Variants in GLDC observed in about 807,000 individuals in gnomAD.
GLDC encodes the protein glycine dehydrogenase (decarboxylating), mitochondrial.
GLDC carries 104 observed loss-of-function variants against 121.3 expected under a neutral mutation model. That is an observed-to-expected ratio of 0.86 (90% CI 0.73 to 1.01). GLDC has a LOEUF of 1.01. Among genes scored for constraint, GLDC ranks in the 50% least tolerant of loss-of-function variants. The pLI is 0.00. For missense variants in GLDC, 1,429 were observed against 1,306.6 expected, an observed-to-expected ratio of 1.09 and a Z score of -1.44; for synonymous variants, 546 against 480.6, an observed-to-expected ratio of 1.14 and a Z score of -1.78.
intron 2 of GLDC, chr9:6,639,247 A>G (rs1171811653): frequency 4.3e-6 from 4 of 921,420 alleles, no homozygotes; most frequent in East Asian, 2.4e-5. Flanking sequence ...CACAGCCACA[A>G]AAAAAAAGAA....
intron 15 of GLDC, chr9:6,566,667 C>T (rs1456433831): frequency 6.6e-6 from 1 of 152,048 alleles, no homozygotes; most frequent in Non-Finnish European, 1.5e-5. Flanking sequence ...TTCCCAGTAC[C>T]CTGTGCAGGA....
chr9:6,574,486 A>AC (rs1171938943), intron 15 of GLDC, among the ~76,000 whole-genome samples: 3 of 151,828 alleles, frequency 2.0e-5, no homozygotes, highest in Non-Finnish European at 4.4e-5. Context: ...AACAAAGAAA[A>AC]GAAAAAAAAA....
intron 2 of GLDC, among the ~76,000 whole-genome samples, chr9:6,637,856 T>A (rs975780095): frequency 6.6e-6 from 1 of 151,458 alleles, no homozygotes; most frequent in South Asian, 2.1e-4. Context: ...CATTAAAAAT[T>A]TTTTTTTACT....
Position 6,645,251 on chromosome 9 carries a change from C to G in GLDC, c.249G>C (p.Gly83=), listed in dbSNP as rs12341698. The G allele has an allele frequency of 6.3e-7, 1 of 1,594,838 alleles. No homozygotes were observed. Among genetic ancestry groups the G allele is most frequent in the Non-Finnish European group, 8.5e-7 (1 of 1,170,682 alleles). ...GCCGGGTGGAGGTCCTTACCGCCAGCCCCAAGGTCTGCAGCATCTCTCTCT... is the reference window on the plus strand; with the variant it reads ...GCCGGGTGGAGGTCCTTACCGCCAGGCCCAAGGTCTGCAGCATCTCTCTCT... ...KDQREMLQTL[G]LASIDELIEK... is the part of the protein sequence containing the mutation. The change falls in exon 1 of 25, where the codon GGG becomes GGC. Residue 83 remains glycine, a synonymous_variant. Coordinates refer to ENST00000321612, the MANE Select transcript of GLDC (RefSeq NM_000170.3).
At chr9:6,639,251 A>G in intron 2 of GLDC, 1 of 921,536 alleles carries the variant, frequency 1.1e-6, no homozygotes, top group Non-Finnish European at 1.8e-6. Flanking sequence ...GCCACAAAAA[A>G]AAAGAAGATC....
At chr9:6,638,658 C>T (rs1466066590) in intron 2 of GLDC, among the ~76,000 whole-genome samples, 1 of 151,754 alleles carries the variant, frequency 6.6e-6, no homozygotes, top group Non-Finnish European at 1.5e-5. Flanking sequence ...TCTGTCTGAT[C>T]TATTTATATT....
intron 24 of GLDC, among the ~76,000 whole-genome samples, chr9:6,533,858 CA>C (rs140518818): frequency 1.8e-3 from 230 of 125,092 alleles, no homozygotes; most frequent in Middle Eastern, 4.6e-3. Flanking sequence ...AACTCTATCT[CA>C]AAAAAAAAAA....
intron 18 of GLDC, among the ~76,000 whole-genome samples, chr9:6,555,486 A>T (rs1311589325): frequency 6.6e-6 from 1 of 151,178 alleles, no homozygotes; most frequent in Non-Finnish European, 1.5e-5. Flanking sequence ...AAAAAAAAAG[A>T]GGTCGGGCGT....
intron 2 of GLDC, among the ~76,000 whole-genome samples, chr9:6,624,902 C>T (rs1233654506): frequency 2.0e-5 from 3 of 151,824 alleles, no homozygotes; most frequent in Non-Finnish European, 2.9e-5. Context: ...ACAGGAGAAT[C>T]GCTTGAACCA....
intron 2 of GLDC, chr9:6,639,681 A>ATATATATATATATG: frequency 4.0e-6 from 1 of 252,240 alleles, no homozygotes; most frequent in Non-Finnish European, 7.0e-6. Flanking sequence ...ATATATATAT[A>ATATATATATATATG]TATATATGGA....
At chr9:6,562,094 T>G (rs1397102864) in intron 16 of GLDC, among the ~76,000 whole-genome samples, 1 of 152,250 alleles carries the variant, frequency 6.6e-6, no homozygotes, top group Non-Finnish European at 1.5e-5. Context: ...TATTTTTTCG[T>G]AAGATCTGGA....
chr9:6,539,117 T>C (rs1282913781), intron 22 of GLDC, among the ~76,000 whole-genome samples: 2 of 152,176 alleles, frequency 1.3e-5, no homozygotes, highest in South Asian at 4.1e-4. Context: ...ATGGCAATGT[T>C]CTCCCCAACT....
At chr9:6,563,952 G>GA (rs373805618) in intron 16 of GLDC, among the ~76,000 whole-genome samples, 38 of 146,772 alleles carry the variant, frequency 2.6e-4, no homozygotes, top group African/African-American at 6.7e-4. Context: ...GCTATGAAGA[G>GA]AAAAAAAAAA....
At chr9:6,619,174 A>AAAG (rs1563864235) in intron 3 of GLDC, among the ~76,000 whole-genome samples, 6 of 141,612 alleles carry the variant, frequency 4.2e-5, no homozygotes, top group East Asian at 4.4e-4. Flanking sequence ...AAAAAAAAAA[A>AAAG]AAGAAGAAGT....
chr9:6,639,669 G>GTA (rs150365649), intron 2 of GLDC: 2,739 of 223,974 alleles, frequency 0.012, 12 homozygotes, highest in Middle Eastern at 0.03. Context: ...TAAAAAAAAA[G>GTA]TATATATATA....
intron 14 of GLDC, 51 bp downstream of exon 14, chr9:6,588,350 C>T (rs368758626): frequency 7.1e-5 from 92 of 1,300,838 alleles, no homozygotes; most frequent in South Asian, 3.8e-4. Flanking sequence ...TAGGTGGAAG[C>T]TAGAACACTG....
intron 13 of GLDC, 87 bp from the exon 14 acceptor site, chr9:6,588,529 C>G: frequency 1.4e-6 from 2 of 1,439,106 alleles, no homozygotes; most frequent in Non-Finnish European, 2.0e-6. Context: ...ATGGCCACCC[C>G]TTTGTTGCTC....
intron 16 of GLDC, among the ~76,000 whole-genome samples, chr9:6,565,095 T>A (rs1395498918): frequency 6.6e-6 from 1 of 152,228 alleles, no homozygotes; most frequent in African/African-American, 2.4e-5. Flanking sequence ...TAGAGAGCAG[T>A]TCCACAGCCA....
chr9:6,612,631 G>C (rs1304390072), intron 3 of GLDC, among the ~76,000 whole-genome samples: 1 of 152,070 alleles, frequency 6.6e-6, no homozygotes, highest in Admixed American at 6.6e-5. Context: ...TTGGGAGGCT[G>C]AGGAGGCGGA....
Sources: gnomAD v4.1 joint callset for allele counts (sites outside exome capture counted in the v4.1 genomes callset) on GRCh38, gnomAD v4.1.1 for gene constraint, MANE v1.5 for transcripts, NCBI Gene and HGNC (gene_info 2026-07-23, HGNC 2026-07-21) for gene names.